CCDC60: variants seen among roughly 807,000 people sequenced by gnomAD.
CCDC60 encodes the protein coiled-coil domain-containing protein 60.
A neutral mutation model predicts 63.5 loss-of-function variants in CCDC60; 54 were observed. The ratio of observed to expected loss-of-function variants is 0.85; its 90% CI spans 0.68 to 1.07. The LOEUF (loss-of-function observed/expected upper bound fraction) is 1.07. Ranked by LOEUF, CCDC60 falls within the 50% of genes least tolerant of loss-of-function variation. The probability of loss-of-function intolerance (pLI) is 0.00; values close to 1 mark genes in which losing one functional copy is unlikely to be tolerated. For missense variants in CCDC60, 651 were observed against 684.3 expected, an observed-to-expected ratio of 0.95 and a Z score of 0.54; for synonymous variants, 206 against 238.8, an observed-to-expected ratio of 0.86 and a Z score of 1.27.
At position 119,420,480 on chromosome 12, in the gene CCDC60, A is replaced by G. The variant is rs899062579; in HGVS notation, c.91-8203A>G. On this transcript the variant is annotated intron_variant, in intron 1 of 13. Coordinates refer to ENST00000327554, the MANE Select transcript of CCDC60 (RefSeq NM_178499.5). This position sits in a 1 kb window ranked among gnomAD's most constrained non-coding sequence, Gnocchi z 4.1. ...CCAGACACAGAAAGACAAACATCAC[A>G]TGTTCTCACTTATTTGTGGGATCTA... Among the ~76,000 whole-genome samples, 6 of 152,192 alleles carry G rather than the reference A, an allele frequency of 3.9e-5. No homozygotes were observed. The highest frequency in any genetic ancestry group is 1.9e-4 in the East Asian group (1 of 5,186).
chr12:119,507,552 ATATATATATATATATATG>A (rs1952051898), intron 7 of CCDC60, among the ~76,000 whole-genome samples: 1 of 48,560 alleles, frequency 2.1e-5, no homozygotes, highest in African/African-American at 1.0e-4. Context: ...ATATATATAC[ATATATATATATATATATG>A]TATATATACA....
At chr12:119,407,507 G>A (rs1381681649) in intron 1 of CCDC60, among the ~76,000 whole-genome samples, 1 of 152,146 alleles carries the variant, frequency 6.6e-6, no homozygotes, top group Non-Finnish European at 1.5e-5. Context: ...ACTCCAGTCT[G>A]GGTGACAGAG....
At chr12:119,536,985 G>T (rs1953022830) in intron 13 of CCDC60, among the ~76,000 whole-genome samples, 1 of 152,126 alleles carries the variant, frequency 6.6e-6, no homozygotes, top group African/African-American at 2.4e-5. Flanking sequence ...AAGTTCTCCT[G>T]GATAATATCC....
chr12:119,442,753 C>T (rs983516391), intron 2 of CCDC60, among the ~76,000 whole-genome samples: 11 of 152,170 alleles, frequency 7.2e-5, no homozygotes, highest in Non-Finnish European at 1.6e-4. Flanking sequence ...ATTTACCTAA[C>T]CAGTTTAAAT....
chr12:119,515,913 A>G (rs934581343), intron 7 of CCDC60, among the ~76,000 whole-genome samples: 1 of 152,142 alleles, frequency 6.6e-6, no homozygotes, highest in Non-Finnish European at 1.5e-5. Context: ...CTTCAGGCCT[A>G]TGGAGATCAG....
intron 2 of CCDC60, among the ~76,000 whole-genome samples, chr12:119,444,205 C>T (rs1041039291): frequency 1.3e-4 from 20 of 152,168 alleles, no homozygotes; most frequent in African/African-American, 4.6e-4. Flanking sequence ...TTTCAGACAT[C>T]GTTTTCAGGA....
chr12:119,472,255 T>A, intron 3 of CCDC60, 91 bp downstream of exon 3: 1 of 1,238,910 alleles, frequency 8.1e-7, no homozygotes, highest in Non-Finnish European at 1.2e-6. Context: ...AGGGCAGCTA[T>A]CTCAGAGCAC....
chr12:119,529,741 C>G (rs755748622), intron 12 of CCDC60, among the ~76,000 whole-genome samples: 1 of 152,098 alleles, frequency 6.6e-6, no homozygotes, highest in Non-Finnish European at 1.5e-5. Context: ...AGAAAAGGGT[C>G]TTCTGCAAAC....
chr12:119,425,791 C>A (rs1956889535), intron 1 of CCDC60, among the ~76,000 whole-genome samples: 1 of 152,176 alleles, frequency 6.6e-6, no homozygotes, highest in Admixed American at 6.5e-5. Flanking sequence ...ATGCTTGCAT[C>A]TCATTTGCCC....
At chr12:119,460,476 C>A (rs1950835654) in intron 2 of CCDC60, among the ~76,000 whole-genome samples, 1 of 152,174 alleles carries the variant, frequency 6.6e-6, no homozygotes, top group Non-Finnish European at 1.5e-5. Context: ...GTGCATTTTA[C>A]AATGGATGAT....
intron 13 of CCDC60, among the ~76,000 whole-genome samples, chr12:119,532,458 A>C (rs868239276): frequency 4.0e-5 from 6 of 148,778 alleles, no homozygotes; most frequent in South Asian, 2.1e-4. Context: ...TCTGGGATAC[A>C]TGTGCGTAAC....
rs1555233707 is a variant in CCDC60 at position 119,387,034 on chromosome 12, TCACACACA to T, written c.91-41615_91-41608del. Among the ~76,000 whole-genome samples, 34 of 105,450 alleles carry T rather than the reference TCACACACA, an allele frequency of 3.2e-4. 1 individual carries two copies. Among genetic ancestry groups the T allele is most frequent in the South Asian group, 1.3e-3 (3 of 2,374 alleles). The allele number at this position is 105,450 out of a possible 152,430, so 69.2% of individuals were successfully genotyped here. A position where few individuals can be genotyped will look rare whatever the true frequency, so the allele number is the denominator to read the frequency against. On this transcript the variant is annotated intron_variant, in intron 1 of 13. Coordinates refer to ENST00000327554, the MANE Select transcript of CCDC60 (RefSeq NM_178499.5). ...CTCCCTCCCTCCCCCTCTGTCTCTC[TCACACACA>T]CACACACACACACACACACACACAC... is the stretch of plus-strand genomic sequence containing the variant.
At chr12:119,429,362 A>T (rs1395161293) in intron 2 of CCDC60, among the ~76,000 whole-genome samples, 1 of 151,964 alleles carries the variant, frequency 6.6e-6, no homozygotes, top group African/African-American at 2.4e-5. Context: ...CTGTCTAGTG[A>T]GATGGAATTT....
At chr12:119,438,320 T>A (rs2136251466) in intron 2 of CCDC60, among the ~76,000 whole-genome samples, 2 of 152,344 alleles carry the variant, frequency 1.3e-5, no homozygotes, top group Middle Eastern at 6.8e-3. Context: ...AATTTAACCA[T>A]CAAAAATATT....
intron 3 of CCDC60, among the ~76,000 whole-genome samples, chr12:119,477,050 G>A (rs1192884681): frequency 1.3e-5 from 2 of 152,182 alleles, no homozygotes; most frequent in African/African-American, 4.8e-5. Flanking sequence ...CAGCTCACAG[G>A]ACCCATTTCC....
intron 1 of CCDC60, among the ~76,000 whole-genome samples, chr12:119,372,370 C>T (rs1469479769): frequency 1.3e-5 from 2 of 152,190 alleles, no homozygotes; most frequent in Admixed American, 6.5e-5. Context: ...CCTCTCTGAG[C>T]TCTCATCTGC....
chr12:119,534,502 A>G (rs1199312711), intron 13 of CCDC60, among the ~76,000 whole-genome samples: 1 of 152,196 alleles, frequency 6.6e-6, no homozygotes, highest in Non-Finnish European at 1.5e-5. Flanking sequence ...CCAGTTTTCA[A>G]AAGGAATGCT....
intron 1 of CCDC60, among the ~76,000 whole-genome samples, chr12:119,337,152 C>T (rs901413220): frequency 6.6e-6 from 1 of 152,226 alleles, no homozygotes; most frequent in African/African-American, 2.4e-5. Context: ...CATTACTCAG[C>T]CCTCTTAGCA....
intron 1 of CCDC60, among the ~76,000 whole-genome samples, chr12:119,361,033 G>A (rs1253809237): frequency 6.6e-6 from 1 of 152,004 alleles, no homozygotes; most frequent in Non-Finnish European, 1.5e-5. Context: ...GCACTCCGCA[G>A]GCTGAGGCAG....
Sources: gnomAD v4.1 joint callset for allele counts (sites outside exome capture counted in the v4.1 genomes callset) on GRCh38, gnomAD v4.1.1 for gene constraint, Gnocchi (gnomAD v3.1) non-coding constraint, MANE v1.5 for transcripts, NCBI Gene and HGNC (gene_info 2026-07-23, HGNC 2026-07-21) for gene names.